The following CCDC148 variants were observed in gnomAD, a reference collection of about 807,000 sequenced individuals.
CCDC148 encodes coiled-coil domain containing 148.
Under a neutral mutation model 85.7 loss-of-function variants are expected in CCDC148, and 89 were observed. The observed-to-expected ratio is 1.04, with a 90% CI of 0.87 to 1.24. CCDC148 has a LOEUF of 1.24. Among genes scored for constraint, CCDC148 ranks in the 50% most tolerant of loss-of-function variants. The pLI, the probability that CCDC148 is intolerant of heterozygous loss-of-function variation, is 0.00. For missense variants in CCDC148, 692 were observed against 671.7 expected, an observed-to-expected ratio of 1.03 and a Z score of -0.33; for synonymous variants, 230 against 213.9, an observed-to-expected ratio of 1.08 and a Z score of -0.66.
Position 158,309,570 on chromosome 2 carries a change from A to C in CCDC148, c.973T>G (p.Trp325Gly). Residue 325 changes from tryptophan (W) to glycine (G), a missense_variant, in exon 9 of 14, where the codon TGG becomes GGG. Coordinates refer to ENST00000283233, the MANE Select transcript of CCDC148 (RefSeq NM_138803.4). ...ATAAAGTCTTTCTTATTTTTATTCCAATTTGATATCAGGATATTTTGCTGC... is the reference window on the plus strand; with the variant it reads ...ATAAAGTCTTTCTTATTTTTATTCCCATTTGATATCAGGATATTTTGCTGC... ...IEQQNILISN[W>G]NKNKKDFIQK... is the part of the protein sequence containing the mutation. The C allele has an allele frequency of 6.2e-7, 1 of 1,613,806 alleles. No individual in the cohort carries two copies. Among genetic ancestry groups the C allele is most frequent in the Non-Finnish European group, 8.5e-7 (1 of 1,179,736 alleles).
At chr2:158,279,748 A>G (rs1249274096) in intron 9 of CCDC148, among the ~76,000 whole-genome samples, 1 of 152,150 alleles carries the variant, frequency 6.6e-6, no homozygotes, top group Non-Finnish European at 1.5e-5. Context: ...AAGGCAGGCC[A>G]ACGTTCAGAT....
chr2:158,210,020 T>C (rs1288832640), intron 11 of CCDC148, among the ~76,000 whole-genome samples: 2 of 151,998 alleles, frequency 1.3e-5, no homozygotes, highest in Admixed American at 1.3e-4. Flanking sequence ...GACTGGCAAA[T>C]TGGATAAAGA....
chr2:158,281,297 T>C (rs375909982), intron 9 of CCDC148, among the ~76,000 whole-genome samples: 2 of 151,774 alleles, frequency 1.3e-5, no homozygotes, highest in Non-Finnish European at 2.9e-5. Context: ...CTGAAGGAAA[T>C]AGAGACACAA....
intron 3 of CCDC148, 90 bp from the exon 4 acceptor site, chr2:158,340,770 T>C (rs1439462064): frequency 6.6e-6 from 5 of 757,876 alleles, no homozygotes; most frequent in Non-Finnish European, 8.5e-6. Flanking sequence ...TAGTCTAATA[T>C]GGCTTTGTCA....
intron 9 of CCDC148, among the ~76,000 whole-genome samples, chr2:158,298,191 A>G (rs1351664979): frequency 6.6e-6 from 1 of 152,160 alleles, no homozygotes; most frequent in Non-Finnish European, 1.5e-5. Flanking sequence ...CTGTGATTCA[A>G]TTATTTCCAC....
intron 1 of CCDC148, among the ~76,000 whole-genome samples, chr2:158,358,936 G>A (rs951118144): frequency 6.6e-6 from 1 of 152,030 alleles, no homozygotes; most frequent in Non-Finnish European, 1.5e-5. Context: ...TGAATATTAA[G>A]TATCACATCA....
chr2:158,338,805 G>C lies in CCDC148; in HGVS notation c.685C>G (p.Leu229Val). The C allele has an allele frequency of 6.2e-7, 1 of 1,612,030 alleles. No individual in the cohort carries two copies. Among genetic ancestry groups the C allele is most frequent in the Non-Finnish European group, 8.5e-7 (1 of 1,179,358 alleles). Residue 229 changes from leucine to valine, a missense_variant, in exon 7 of 14, where the codon CTC (leucine) becomes GTC (valine). Physicochemically the swap from Leu to Val is conservative, Grantham distance 32. Transcript: ENST00000283233. ...TGTGTAAACTTATAGAACTCACTGAGAATTGAAGATTTCAAATCAGGGTAT... is the reference window on the plus strand; with the variant it reads ...TGTGTAAACTTATAGAACTCACTGACAATTGAAGATTTCAAATCAGGGTAT... The part of the protein sequence containing the change: ...CPYPDLKSSI[L>V]SEFYKFTQKY...
At chr2:158,422,207 A>T (rs1310582432) in intron 1 of CCDC148, among the ~76,000 whole-genome samples, 2 of 152,184 alleles carry the variant, frequency 1.3e-5, no homozygotes, top group Non-Finnish European at 2.9e-5. Context: ...CAAATAATAG[A>T]AAAAGAGGGA....
chr2:158,419,040 T>C (rs2105321255), intron 1 of CCDC148, among the ~76,000 whole-genome samples: 1 of 152,296 alleles, frequency 6.6e-6, no homozygotes, highest in East Asian at 1.9e-4. Context: ...AACCCAAATG[T>C]GTGCCAGGAG....
chr2:158,397,142 C>A (rs1246631594), intron 1 of CCDC148, among the ~76,000 whole-genome samples: 4 of 152,128 alleles, frequency 2.6e-5, no homozygotes, highest in Middle Eastern at 3.4e-3. Context: ...AAGAATCTGT[C>A]TCAAAATCTC....
intron 1 of CCDC148, chr2:158,425,153 C>T: frequency 1.9e-6 from 1 of 514,610 alleles, no homozygotes; most frequent in South Asian, 1.4e-5. Flanking sequence ...GTGATCAAAA[C>T]TGTAGTGGCT....
At chr2:158,425,748 A>T (rs1182309266) in intron 1 of CCDC148, among the ~76,000 whole-genome samples, 1 of 152,126 alleles carries the variant, frequency 6.6e-6, no homozygotes, top group Non-Finnish European at 1.5e-5. Context: ...CAATATGTAG[A>T]TATATTCCAT....
chr2:158,242,010 G>C (rs144439173), intron 10 of CCDC148, among the ~76,000 whole-genome samples: 124 of 152,266 alleles, frequency 8.1e-4, no homozygotes, highest in Middle Eastern at 3.4e-3. Flanking sequence ...TTACTAATGA[G>C]TCAAAGATTC....
chr2:158,323,424 C>T (rs901249914), intron 7 of CCDC148, among the ~76,000 whole-genome samples: 10 of 152,008 alleles, frequency 6.6e-5, no homozygotes, highest in African/African-American at 2.2e-4. Flanking sequence ...TAAATTTCAC[C>T]TTGTTCTTTT....
intron 1 of CCDC148, among the ~76,000 whole-genome samples, chr2:158,432,289 T>TA (rs1051836242): frequency 1.3e-5 from 2 of 151,222 alleles, no homozygotes; most frequent in Admixed American, 6.6e-5. Flanking sequence ...ATAAGTATAT[T>TA]AAAGGTAAAT....
At chr2:158,435,029 T>C (rs921324877) in intron 1 of CCDC148, among the ~76,000 whole-genome samples, 1 of 152,096 alleles carries the variant, frequency 6.6e-6, no homozygotes, top group African/African-American at 2.4e-5. Flanking sequence ...ACGGGGAGAA[T>C]GGAACCAAGT....
chr2:158,435,684 A>G (rs933097119), intron 1 of CCDC148, among the ~76,000 whole-genome samples: 1 of 152,126 alleles, frequency 6.6e-6, no homozygotes, highest in Admixed American at 6.5e-5. Context: ...AGACTGGCAA[A>G]TTGGATAAAG....
intron 1 of CCDC148, among the ~76,000 whole-genome samples, chr2:158,399,979 A>G (rs1685703268): frequency 6.6e-6 from 1 of 152,176 alleles, no homozygotes. Flanking sequence ...ATACCTAGGA[A>G]TCCAACTTAC....
At chr2:158,252,692 C>T (rs1232690682) in intron 9 of CCDC148, among the ~76,000 whole-genome samples, 3 of 151,640 alleles carry the variant, frequency 2.0e-5, no homozygotes, top group Non-Finnish European at 3.0e-5. Context: ...TGTGTCTACC[C>T]TATAATCCAA....
Sources: gnomAD v4.1 joint callset for allele counts (sites outside exome capture counted in the v4.1 genomes callset) on GRCh38, gnomAD v4.1.1 for gene constraint, MANE v1.5 for transcripts, NCBI Gene and HGNC (gene_info 2026-07-23, HGNC 2026-07-21) for gene names.